The following ADORA2B variants were observed in gnomAD, a reference collection of about 807,000 sequenced individuals.
The protein encoded by ADORA2B is adenosine receptor A2b.
In ADORA2B, 18 loss-of-function variants were observed where a neutral mutation model predicts 20.8. The ratio of observed to expected loss-of-function variants is 0.87; its 90% CI spans 0.60 to 1.29. The LOEUF (loss-of-function observed/expected upper bound fraction) is 1.29. Among genes scored for constraint, ADORA2B ranks in the 50% most tolerant of loss-of-function variants. The pLI is 0.00. For synonymous variants in ADORA2B, 179 were observed against 178.3 expected (o/e 1.00, Z -0.03); for missense variants, 441 against 422.7 (o/e 1.04, Z -0.38).
intron 1 of ADORA2B, among the ~76,000 whole-genome samples, chr17:15,961,756 G>A (rs1225704748): frequency 6.6e-6 from 1 of 152,202 alleles, no homozygotes; most frequent in Non-Finnish European, 1.5e-5. Context: ...AGAGAGGTGA[G>A]AGAGTGAGCA....
chr17:15,881,682 T>C, the ADORA2B span, among the ~76,000 whole-genome samples: 1 of 152,252 alleles, frequency 6.6e-6, no homozygotes, highest in African/African-American at 2.4e-5. Context: ...ACACCGCATG[T>C]GCCCTTTGAT....
chr17:15,900,527 G>A, the ADORA2B span, among the ~76,000 whole-genome samples: 2 of 151,942 alleles, frequency 1.3e-5, no homozygotes, highest in Non-Finnish European at 2.9e-5. Context: ...AGGTCATGCA[G>A]CTTTGAACTC....
the ADORA2B span, among the ~76,000 whole-genome samples, chr17:15,908,338 G>T: frequency 2.6e-5 from 4 of 152,328 alleles, no homozygotes; most frequent in Middle Eastern, 0.01. Context: ...TTGGAAAGGG[G>T]TAGTATCTCC....
chr17:15,902,261 G>A, the ADORA2B span, among the ~76,000 whole-genome samples: 1 of 151,652 alleles, frequency 6.6e-6, no homozygotes, highest in Non-Finnish European at 1.5e-5. Context: ...TTCCAGGCTG[G>A]AGTGCAGTGG....
At chr17:15,935,044 C>T in the ADORA2B span, among the ~76,000 whole-genome samples, 4 of 151,968 alleles carry the variant, frequency 2.6e-5, no homozygotes, top group Non-Finnish European at 5.9e-5. Context: ...TGACCCCAAA[C>T]GATCCGCACA....
At chr17:15,907,700 CACTT>C in the ADORA2B span, among the ~76,000 whole-genome samples, 1,520 of 152,308 alleles carry the variant, frequency 1.0e-2, 36 homozygotes, top group African/African-American at 0.034. Flanking sequence ...TAAATGGTAA[CACTT>C]AATGCTGGTA....
At chr17:15,894,358 GA>G in the ADORA2B span, among the ~76,000 whole-genome samples, 1 of 152,226 alleles carries the variant, frequency 6.6e-6, no homozygotes, top group Non-Finnish European at 1.5e-5. Context: ...TAGATGAGGG[GA>G]GACAGTGGCA....
chr17:15,876,931 C>G, the ADORA2B span, among the ~76,000 whole-genome samples: 13 of 152,170 alleles, frequency 8.5e-5, no homozygotes, highest in South Asian at 6.2e-4. Context: ...CCTTGTCCCC[C>G]AGCCACCATT....
the ADORA2B span, among the ~76,000 whole-genome samples, chr17:15,900,790 T>A: frequency 1.3e-5 from 2 of 152,146 alleles, no homozygotes; most frequent in African/African-American, 2.4e-5. Flanking sequence ...TGTGAGAGGA[T>A]GCAATCTTTA....
At chr17:15,859,825 A>G in the ADORA2B span, among the ~76,000 whole-genome samples, 2 of 152,212 alleles carry the variant, frequency 1.3e-5, no homozygotes, top group Non-Finnish European at 2.9e-5. Context: ...GATTCAGTCT[A>G]TTTCATTATC....
At chr17:15,902,242 G>T in the ADORA2B span, among the ~76,000 whole-genome samples, 8 of 150,050 alleles carry the variant, frequency 5.3e-5, no homozygotes, top group African/African-American at 2.0e-4. Flanking sequence ...AGACAGTCTC[G>T]CTCTGTCATT....
chr17:15,852,473 A>C, the ADORA2B span, among the ~76,000 whole-genome samples: 1 of 152,162 alleles, frequency 6.6e-6, no homozygotes, highest in East Asian at 1.9e-4. Flanking sequence ...TTAAAAAAAT[A>C]TATGGTGTCA....
At chr17:15,885,992 C>CCAGA in the ADORA2B span, among the ~76,000 whole-genome samples, 1 of 152,188 alleles carries the variant, frequency 6.6e-6, no homozygotes, top group South Asian at 2.1e-4. Context: ...CAGCTCAGTT[C>CCAGA]TTAGCGTGGC....
At chr17:15,941,197 T>C (rs1969741718), upstream of ADORA2B, among the ~76,000 whole-genome samples, 1 of 152,244 alleles carries the variant, frequency 6.6e-6, no homozygotes, top group South Asian at 2.1e-4. Context: ...GATGCTTTCA[T>C]CACTGCAGTT....
chr17:15,917,350 G>T, the ADORA2B span, among the ~76,000 whole-genome samples: 1 of 152,226 alleles, frequency 6.6e-6, no homozygotes, highest in African/African-American at 2.4e-5. Flanking sequence ...GGCGGGGACA[G>T]CGGTACCCAC....
the ADORA2B span, among the ~76,000 whole-genome samples, chr17:15,882,287 G>C: frequency 6.6e-6 from 1 of 152,178 alleles, no homozygotes; most frequent in Non-Finnish European, 1.5e-5. Context: ...CATCTAGGAA[G>C]ACCGGAAACT....
At chr17:15,939,194 C>T in the ADORA2B span, among the ~76,000 whole-genome samples, 2 of 152,120 alleles carry the variant, frequency 1.3e-5, no homozygotes, top group Non-Finnish European at 2.9e-5. Context: ...GTGCCCGCCA[C>T]CACGCCCAGC....
At chr17:15,875,920 C>T in the ADORA2B span, among the ~76,000 whole-genome samples, 2 of 152,190 alleles carry the variant, frequency 1.3e-5, no homozygotes, top group African/African-American at 4.8e-5. Context: ...CTAATTCAAC[C>T]CCAACTCTTT....
the ADORA2B span, among the ~76,000 whole-genome samples, chr17:15,907,058 A>G: frequency 6.6e-6 from 1 of 152,050 alleles, no homozygotes; most frequent in Non-Finnish European, 1.5e-5. Context: ...CTATCCCCCA[A>G]ATAGCATGCC....
Sources: gnomAD v4.1 joint callset for allele counts (sites outside exome capture counted in the v4.1 genomes callset) on GRCh38, gnomAD v4.1.1 for gene constraint, MANE v1.5 for transcripts, NCBI Gene and HGNC (gene_info 2026-07-23, HGNC 2026-07-21) for gene names.